Variants in KCNC2 observed in about 807,000 individuals in gnomAD.
The protein encoded by KCNC2 is potassium voltage-gated channel subfamily C member 2.
A neutral mutation model predicts 44.5 loss-of-function variants in KCNC2; 21 were observed. The observed-to-expected ratio is 0.47, with a 90% confidence interval of 0.33 to 0.68. The LOEUF (loss-of-function observed/expected upper bound fraction) is 0.68, where lower values mean the gene tolerates loss of function less well. KCNC2 is among the 30% of genes least tolerant of loss of function. The pLI, the probability that KCNC2 is intolerant of heterozygous loss-of-function variation, is 0.01. For missense variants in KCNC2, 589 were observed against 826.2 expected (o/e 0.71, Z 3.52); for synonymous variants, 391 against 339.1 (o/e 1.15, Z -1.68).
At chr12:75,105,099 T>G (rs1886677610) in intron 2 of KCNC2, among the ~76,000 whole-genome samples, 1 of 152,042 alleles carries the variant, frequency 6.6e-6, no homozygotes, top group Non-Finnish European at 1.5e-5. Flanking sequence ...TGTAAGTCAT[T>G]TGGATAATAA....
rs199855494 is a variant in KCNC2, at chr12:75,040,524, A to T, written c.*2581T>A. 2 of 152,758 alleles carry T rather than the reference A, an allele frequency of 1.3e-5. No individual in the cohort carries two copies. Among genetic ancestry groups the T allele is most frequent in the African/African-American group, 4.8e-5 (2 of 41,432 alleles). The allele number at this position is 152,758 out of a possible 1,614,324, so 9.5% of individuals were successfully genotyped here. The stretch of plus-strand genomic sequence containing the variant: ...ATTGCCAGAATTATGTTTTTGTAAT[A>T]TTTATAATTGAGGTAATAATGATAA... On this transcript the variant is annotated 3_prime_UTR_variant, in exon 5 of 5. Transcript: ENST00000549446.
intron 2 of KCNC2, among the ~76,000 whole-genome samples, chr12:75,097,839 G>A (rs1886065552): frequency 6.6e-6 from 1 of 152,056 alleles, no homozygotes; most frequent in Non-Finnish European, 1.5e-5. Flanking sequence ...ATGAAATAGA[G>A]ACAGTGTTCG....
chr12:75,206,716 C>T (rs536846600), intron 2 of KCNC2, among the ~76,000 whole-genome samples: 2 of 152,278 alleles, frequency 1.3e-5, no homozygotes, highest in South Asian at 4.1e-4. Context: ...GTGACAGGCC[C>T]AAACAACGTT....
At chr12:75,125,462 C>T (rs1172020120) in intron 2 of KCNC2, among the ~76,000 whole-genome samples, 1 of 152,138 alleles carries the variant, frequency 6.6e-6, no homozygotes, top group Non-Finnish European at 1.5e-5. Context: ...TAAAATTAAT[C>T]AACTGTGTTT....
In KCNC2 at chr12:75,114,578, G is replaced by A. The variant is rs117836763; in HGVS notation, c.688-63261C>T. 2.0e-3 allele frequency among the ~76,000 whole-genome samples: 300 copies of A among 152,212 alleles called. 1 individual carries two copies. Among genetic ancestry groups the A allele is most frequent in the Non-Finnish European group, 3.5e-3 (241 of 68,024 alleles). On this transcript the variant is annotated intron_variant, in intron 2 of 4. Transcript: ENST00000549446. ...TATAAAGAAAAATATATCGGGGAAA[G>A]GAAATGTTAGAAGATGTTACTACAG... is the stretch of plus-strand genomic sequence containing the variant.
chr12:75,073,101 G>A (rs981104604), intron 2 of KCNC2, among the ~76,000 whole-genome samples: 2 of 152,076 alleles, frequency 1.3e-5, no homozygotes, highest in African/African-American at 4.8e-5. Context: ...TTTATCTGTT[G>A]AGGCCTGATA....
At position 75,041,247 on chromosome 12, in the gene KCNC2, T is replaced by C; in HGVS notation, c.*1858A>G. ...GCAGCACCAGACAGCATATTAATTC[T>C]TTTACCATAAATTTGTGTGTAATTA... is the stretch of plus-strand genomic sequence containing the variant. On this transcript the variant is annotated 3_prime_UTR_variant, in exon 5 of 5. Coordinates refer to ENST00000549446, the MANE Select transcript of KCNC2 (RefSeq NM_139137.4). 1 of 1,589,728 alleles carries C rather than the reference T, an allele frequency of 6.3e-7. No individual in the cohort carries two copies. The highest frequency in any genetic ancestry group is 8.5e-7 in the Non-Finnish European group (1 of 1,174,606).
chr12:75,043,270 T>G (rs1221742885), intron 4 of KCNC2, 29 bp from the exon 5 acceptor site: 1 of 1,611,024 alleles, frequency 6.2e-7, no homozygotes, highest in Admixed American at 1.7e-5. Flanking sequence ...CAGACATCAG[T>G]TGAATTCAAC....
In KCNC2 at chr12:75,042,051, G is replaced by C. The variant is rs73357054; in HGVS notation, c.*1054C>G. On this transcript the variant is annotated 3_prime_UTR_variant, in exon 5 of 5. Coordinates refer to ENST00000549446, the MANE Select transcript of KCNC2 (RefSeq NM_139137.4). ...TTAATCTTTTGACTCAGGAATTTAA[G>C]GCTAGTCAAAAAAGCCTTCTGTGAA... 20 of 1,161,180 alleles carry C rather than the reference G, an allele frequency of 1.7e-5. No individual in the cohort carries two copies. The African/African-American group carries it at 2.7e-4, about 16-fold the overall frequency. 71.9% of individuals were successfully genotyped at this position (1,161,180 alleles called of 1,614,324 possible). A position where few individuals can be genotyped will look rare whatever the true frequency, so the allele number is the denominator to read the frequency against.
At chr12:75,118,760 C>G (rs928377188) in intron 2 of KCNC2, among the ~76,000 whole-genome samples, 2 of 152,114 alleles carry the variant, frequency 1.3e-5, no homozygotes, top group African/African-American at 4.8e-5. Flanking sequence ...AACAAAGTGA[C>G]AGAAAAATCG....
At chr12:75,061,099 G>T (rs189162910) in intron 2 of KCNC2, among the ~76,000 whole-genome samples, 1 of 152,098 alleles carries the variant, frequency 6.6e-6, no homozygotes, top group African/African-American at 2.4e-5. Context: ...AAATAAGCTT[G>T]TAACAGAGAG....
intron 2 of KCNC2, among the ~76,000 whole-genome samples, chr12:75,151,929 T>TA (rs1890424761): frequency 6.8e-6 from 1 of 146,624 alleles, no homozygotes; most frequent in Admixed American, 6.9e-5. Flanking sequence ...ATATAATATA[T>TA]TATATATTAT....
At chr12:75,064,359 T>A (rs1882622541) in intron 2 of KCNC2, among the ~76,000 whole-genome samples, 1 of 151,958 alleles carries the variant, frequency 6.6e-6, no homozygotes, top group East Asian at 1.9e-4. Context: ...ACACCTTCTA[T>A]CTTTCATGAT....
intron 2 of KCNC2, among the ~76,000 whole-genome samples, chr12:75,157,624 A>G (rs1890851519): frequency 6.6e-6 from 1 of 151,918 alleles, no homozygotes; most frequent in Non-Finnish European, 1.5e-5. Flanking sequence ...GTAACATCAT[A>G]TAATCAACTG....
chr12:75,186,080 TAAA>T (rs1892923829), intron 2 of KCNC2, among the ~76,000 whole-genome samples: 2 of 150,152 alleles, frequency 1.3e-5, no homozygotes, highest in Non-Finnish European at 3.0e-5. Context: ...AATAAATAAA[TAAA>T]TAAATAAATA....
intron 2 of KCNC2, among the ~76,000 whole-genome samples, chr12:75,203,469 G>T (rs776159060): frequency 2.0e-5 from 3 of 151,810 alleles, no homozygotes; most frequent in African/African-American, 4.8e-5. Flanking sequence ...GATGCAGAAG[G>T]ATCGTATATG....
chr12:75,114,572 G>A (rs773071882), intron 2 of KCNC2, among the ~76,000 whole-genome samples: 6 of 152,038 alleles, frequency 3.9e-5, no homozygotes, highest in Non-Finnish European at 8.8e-5. Context: ...AAATATATCG[G>A]GGAAAGGAAA....
At chr12:75,196,562 G>A (rs1180019129) in intron 2 of KCNC2, among the ~76,000 whole-genome samples, 5 of 152,024 alleles carry the variant, frequency 3.3e-5, no homozygotes, top group South Asian at 4.1e-4. Context: ...GTCTTTCCTC[G>A]TAGCACTCTA....
chr12:75,192,053 A>C (rs1411589033), intron 2 of KCNC2, among the ~76,000 whole-genome samples: 1 of 152,206 alleles, frequency 6.6e-6, no homozygotes, highest in Non-Finnish European at 1.5e-5. Flanking sequence ...CTATCTGGGC[A>C]TAATTCAGTT....
Sources: gnomAD v4.1 joint callset for allele counts (sites outside exome capture counted in the v4.1 genomes callset) on GRCh38, gnomAD v4.1.1 for gene constraint, MANE v1.5 for transcripts, NCBI Gene and HGNC (gene_info 2026-07-23, HGNC 2026-07-21) for gene names.